The following SHISA6 variants were observed in gnomAD, a reference collection of about 807,000 sequenced individuals.
The protein encoded by SHISA6 is shisa family member 6, also known as protein shisa-6.
A neutral mutation model predicts 47.9 loss-of-function variants in SHISA6; 22 were observed. That is an observed-to-expected ratio of 0.46 (90% CI 0.33 to 0.66). The LOEUF (loss-of-function observed/expected upper bound fraction) is 0.66, where lower values mean the gene tolerates loss of function less well. Among genes scored for constraint, SHISA6 ranks in the 30% least tolerant of loss-of-function variants. SHISA6 has a pLI of 0.02. For synonymous variants in SHISA6, 388 were observed against 337.8 expected (o/e 1.15, Z -1.63); for missense variants, 680 against 764.6 (o/e 0.89, Z 1.30).
intron 1 of SHISA6, among the ~76,000 whole-genome samples, chr17:11,250,747 C>T (rs1907770058): frequency 6.6e-6 from 1 of 152,112 alleles, no homozygotes; most frequent in Admixed American, 6.5e-5. Context: ...TGGGGAGTCC[C>T]TCTTAACTCT....
intron 3 of SHISA6, among the ~76,000 whole-genome samples, chr17:11,429,959 C>T (rs1008713908): frequency 6.6e-6 from 1 of 151,780 alleles, no homozygotes; most frequent in African/African-American, 2.4e-5. Flanking sequence ...TACCTACAAT[C>T]AGGTATTTGA....
At chr17:11,400,650 T>C (rs1422737041) in intron 3 of SHISA6, among the ~76,000 whole-genome samples, 1 of 152,228 alleles carries the variant, frequency 6.6e-6, no homozygotes. Context: ...CATCAAATCA[T>C]ACTTCTGATC....
intron 3 of SHISA6, among the ~76,000 whole-genome samples, chr17:11,404,126 C>T (rs1045951356): frequency 6.6e-6 from 1 of 152,206 alleles, no homozygotes; most frequent in African/African-American, 2.4e-5. Context: ...AGATCAAAGC[C>T]AGAGACTCAG....
chr17:11,398,751 C>T (rs1468737943), intron 3 of SHISA6, among the ~76,000 whole-genome samples: 1 of 152,024 alleles, frequency 6.6e-6, no homozygotes, highest in Non-Finnish European at 1.5e-5. Flanking sequence ...TGCCACCACG[C>T]CCAGCTAATT....
intron 3 of SHISA6, among the ~76,000 whole-genome samples, chr17:11,407,937 T>C (rs780149655): frequency 3.3e-5 from 5 of 152,200 alleles, no homozygotes; most frequent in Admixed American, 2.0e-4. Flanking sequence ...GCTTCATTGG[T>C]GACCTCACAT....
intron 2 of SHISA6, among the ~76,000 whole-genome samples, chr17:11,334,562 G>T (rs1220235513): frequency 6.6e-6 from 1 of 152,156 alleles, no homozygotes; most frequent in African/African-American, 2.4e-5. Flanking sequence ...GCATGTCCAG[G>T]TTTTAGGTTT....
At chr17:11,308,145 A>G (rs1302384336) in intron 2 of SHISA6, among the ~76,000 whole-genome samples, 1 of 152,184 alleles carries the variant, frequency 6.6e-6, no homozygotes, top group African/African-American at 2.4e-5. Context: ...TGCTGGCCCA[A>G]TCTCTGATTT....
At chr17:11,457,062 G>T (rs138998751) in intron 3 of SHISA6, among the ~76,000 whole-genome samples, 52 of 152,274 alleles carry the variant, frequency 3.4e-4, no homozygotes, top group Middle Eastern at 3.4e-3. Flanking sequence ...AAAGAAGTCA[G>T]TCCCCCTTGT....
At chr17:11,271,620 T>G (rs1160407847) in intron 2 of SHISA6, among the ~76,000 whole-genome samples, 7 of 122,232 alleles carry the variant, frequency 5.7e-5, no homozygotes, top group Admixed American at 1.7e-4. Flanking sequence ...TTTTTTTTTT[T>G]TTTTTTTTTT....
Position 11,524,961 on chromosome 17 carries a change from C to CGGG in SHISA6, c.896-26930_896-26928dup, listed in dbSNP as rs57883932. On this transcript the variant is annotated intron_variant, in intron 3 of 5. Transcript: ENST00000441885. Reference sequence around the variant, plus strand: ...CTACACAGTTGAAACCCTGAGATGACGGGGGGGTAGATGATCCTTTCATGT... The same window carrying CGGG: ...CTACACAGTTGAAACCCTGAGATGACGGGGGGGGGGTAGATGATCCTTTCATGT... Among the ~76,000 whole-genome samples the CGGG allele has an allele frequency of 6.6e-3, 1,009 of 151,908 alleles. 13 individuals are homozygous for CGGG. Among genetic ancestry groups the CGGG allele is most frequent in the African/African-American group, 0.023 (963 of 41,326 alleles).
intron 2 of SHISA6, among the ~76,000 whole-genome samples, chr17:11,334,916 G>A (rs1911266160): frequency 6.6e-6 from 1 of 152,226 alleles, no homozygotes; most frequent in Non-Finnish European, 1.5e-5. Context: ...CGTGGTGCAT[G>A]ATTTGCCAGG....
chr17:11,319,425 C>T (rs1910638588), intron 2 of SHISA6, among the ~76,000 whole-genome samples: 1 of 152,154 alleles, frequency 6.6e-6, no homozygotes, highest in Non-Finnish European at 1.5e-5. Context: ...GTGTAATAGT[C>T]TCTCAAAGGT....
chr17:11,254,051 T>C (rs1907918358), intron 1 of SHISA6, among the ~76,000 whole-genome samples: 1 of 152,230 alleles, frequency 6.6e-6, no homozygotes, highest in Non-Finnish European at 1.5e-5. Context: ...TAGGAGGCCC[T>C]TAGCCAGCAG....
intron 3 of SHISA6, among the ~76,000 whole-genome samples, chr17:11,382,179 C>G (rs1339385655): frequency 6.6e-6 from 1 of 152,058 alleles, no homozygotes; most frequent in East Asian, 1.9e-4. Flanking sequence ...CTCAAGTGAT[C>G]CTTCCATTTC....
intron 3 of SHISA6, among the ~76,000 whole-genome samples, chr17:11,470,728 G>A (rs8072881): frequency 6.9e-6 from 1 of 145,538 alleles, no homozygotes; most frequent in African/African-American, 2.5e-5. Flanking sequence ...TGGGGGTGGG[G>A]ACAGAGAGTA....
chr17:11,345,610 AT>A (rs372806552), intron 2 of SHISA6, among the ~76,000 whole-genome samples: 20 of 152,214 alleles, frequency 1.3e-4, no homozygotes, highest in African/African-American at 4.8e-4. Context: ...TGAACGTGGG[AT>A]GTCTTTCCAT....
chr17:11,389,205 C>T (rs754777192), intron 3 of SHISA6, among the ~76,000 whole-genome samples: 1 of 152,128 alleles, frequency 6.6e-6, no homozygotes. Context: ...CTGTTTAATG[C>T]TTGTTTGTGG....
chr17:11,348,291 G>A (rs1911765239), intron 2 of SHISA6, among the ~76,000 whole-genome samples: 2 of 152,210 alleles, frequency 1.3e-5, no homozygotes, highest in African/African-American at 2.4e-5. Context: ...GGATCAGTGT[G>A]TTCTATCTTC....
chr17:11,542,475 C>T (rs2071842466), intron 3 of SHISA6, among the ~76,000 whole-genome samples: 2 of 151,846 alleles, frequency 1.3e-5, no homozygotes, highest in South Asian at 4.2e-4. Context: ...ATAAGAAATA[C>T]TAAGGAAAGT....
Sources: gnomAD v4.1 joint callset for allele counts (sites outside exome capture counted in the v4.1 genomes callset) on GRCh38, gnomAD v4.1.1 for gene constraint, MANE v1.5 for transcripts, NCBI Gene and HGNC (gene_info 2026-07-23, HGNC 2026-07-21) for gene names.